TBC1D1: variants seen among roughly 807,000 people sequenced by gnomAD.
The protein encoded by TBC1D1 is TBC1 (tre-2/USP6, BUB2, cdc16) domain family, member 1.
Under a neutral mutation model 125.6 loss-of-function variants are expected in TBC1D1, and 89 were observed. The ratio of observed to expected loss-of-function variants is 0.71; its 90% CI spans 0.60 to 0.85. TBC1D1 has a LOEUF of 0.85. TBC1D1 is among the 40% of genes least tolerant of loss of function. The pLI is 0.00. For synonymous variants in TBC1D1, 565 were observed against 564.1 expected (o/e 1.00, Z -0.02); for missense variants, 1,377 against 1,469.2 (o/e 0.94, Z 1.03).
chr4:38,025,295 C>G (rs191085038), intron 6 of TBC1D1, among the ~76,000 whole-genome samples: 3 of 152,218 alleles, frequency 2.0e-5, no homozygotes, highest in Non-Finnish European at 1.5e-5. Flanking sequence ...CCCATTCCCT[C>G]CATAAGCCAT....
intron 18 of TBC1D1, among the ~76,000 whole-genome samples, chr4:38,130,721 C>T (rs1482873892): frequency 1.3e-5 from 2 of 152,220 alleles, no homozygotes; most frequent in Non-Finnish European, 2.9e-5. Flanking sequence ...TGTCCAGCCT[C>T]AGGAGTGACT....
At chr4:37,992,105 A>G (rs567368016) in intron 2 of TBC1D1, among the ~76,000 whole-genome samples, 1 of 152,272 alleles carries the variant, frequency 6.6e-6, no homozygotes, top group African/African-American at 2.4e-5. Context: ...TCTGGTAGGG[A>G]TTGCAGAGGA....
At position 37,956,669 on chromosome 4, in the gene TBC1D1, G is replaced by A. The variant is rs375373778; in HGVS notation, c.417+54157G>A. Among the ~76,000 whole-genome samples, 38 of 152,152 alleles carry A rather than the reference G, an allele frequency of 2.5e-4. 2 individuals are homozygous for A. The East Asian group carries it at 5.0e-3, about 20-fold the overall frequency. On this transcript the variant is annotated intron_variant, in intron 2 of 19. Transcript: ENST00000261439. ...AACTTAAGAAAAGTGGAGTGTAGCC[G>A]GGCACAGTGGCTCACACCTCTAATC...
intron 7 of TBC1D1, among the ~76,000 whole-genome samples, chr4:38,028,898 A>T (rs553173932): frequency 6.6e-6 from 1 of 152,284 alleles, no homozygotes; most frequent in South Asian, 2.1e-4. Flanking sequence ...TTTGAAAATA[A>T]ATTTAGGTCA....
At position 38,014,723 on chromosome 4, in the gene TBC1D1, G is replaced by GCC; in HGVS notation, c.636_637dup (p.Arg213ProfsTer99). Reference sequence around the variant, plus strand: ...GTCAGCGGCAGCCGGGGGTCCGAGAGCCCCCGCCCCAACCCGCCCCATGCC... The same window carrying GCC: ...GTCAGCGGCAGCCGGGGGTCCGAGAGCCCCCCCGCCCCAACCCGCCCCATGCC... On this transcript the variant is annotated frameshift_variant, in exon 3 of 20. Transcript: ENST00000261439. LOFTEE classifies it high-confidence loss of function. This position sits in a 1 kb window ranked among gnomAD's most constrained non-coding sequence, Gnocchi z 5.1. The GCC allele has an allele frequency of 8.1e-6, 13 of 1,600,146 alleles. No homozygotes were observed. The highest frequency in any genetic ancestry group is 1.1e-5 in the Non-Finnish European group (13 of 1,169,304).
Position 37,969,811 on chromosome 4 carries a change from T to C in TBC1D1, c.418-44698T>C, listed in dbSNP as rs189953758. ...TAGTAAATCCACAAATTTTGGTATT[T>C]AGTATATTAATGTAACCATCATCAC... On this transcript the variant is annotated intron_variant, in intron 2 of 19. Coordinates refer to ENST00000261439, the MANE Select transcript of TBC1D1 (RefSeq NM_015173.4). 5.9e-3 allele frequency among the ~76,000 whole-genome samples: 902 copies of C among 152,352 alleles called. 7 individuals carry two copies. Among genetic ancestry groups the C allele is most frequent in the Non-Finnish European group, 9.7e-3 (662 of 68,034 alleles).
chr4:38,051,825 C>T (rs1750607551), intron 11 of TBC1D1, 74 bp from the exon 12 acceptor site: 7 of 1,443,428 alleles, frequency 4.8e-6, no homozygotes, highest in South Asian at 3.9e-5. Flanking sequence ...GCTCCTTCCA[C>T]CTGTTTGCTC....
At chr4:37,990,782 C>T (rs1023274468) in intron 2 of TBC1D1, among the ~76,000 whole-genome samples, 5 of 152,286 alleles carry the variant, frequency 3.3e-5, no homozygotes, top group East Asian at 3.9e-4. Context: ...TGTCAATTCT[C>T]TAGTGTGTTA....
chr4:37,962,216 T>G (rs1419667854), intron 2 of TBC1D1, among the ~76,000 whole-genome samples: 1 of 152,160 alleles, frequency 6.6e-6, no homozygotes, highest in Non-Finnish European at 1.5e-5. Flanking sequence ...AAGTTTCCAT[T>G]AGGTGTGGGC....
chr4:38,013,532 T>C (rs1741975477), intron 2 of TBC1D1, among the ~76,000 whole-genome samples: 2 of 152,234 alleles, frequency 1.3e-5, no homozygotes, highest in Non-Finnish European at 1.5e-5. Context: ...CTTTTGAAGA[T>C]TAAATTTATG....
intron 12 of TBC1D1, among the ~76,000 whole-genome samples, chr4:38,062,942 T>C (rs1489817178): frequency 6.6e-6 from 1 of 152,066 alleles, no homozygotes; most frequent in Non-Finnish European, 1.5e-5. Context: ...TGGATTTGAA[T>C]CCCTGCCCTC....
At chr4:38,115,681 A>G in intron 15 of TBC1D1, 29 bp from the exon 18 acceptor site, 3 of 1,575,690 alleles carry the variant, frequency 1.9e-6, no homozygotes, top group Admixed American at 1.9e-5. Context: ...TGTTTTTATT[A>G]TTACAACTAA....
chr4:38,095,191 A>G (rs1321028712), intron 13 of TBC1D1, among the ~76,000 whole-genome samples: 1 of 152,250 alleles, frequency 6.6e-6, no homozygotes, highest in Non-Finnish European at 1.5e-5. Context: ...CCCTCTAGCT[A>G]GTAAATAACC....
intron 14 of TBC1D1, among the ~76,000 whole-genome samples, chr4:38,096,623 AG>A (rs2152547727): frequency 6.6e-6 from 1 of 152,312 alleles, no homozygotes; most frequent in Non-Finnish European, 1.5e-5. Flanking sequence ...CTATACTGTA[AG>A]GCCTTAGAGA....
intron 2 of TBC1D1, among the ~76,000 whole-genome samples, chr4:37,988,159 CAGCAGGGTGT>C (rs1244904011): frequency 1.3e-5 from 2 of 152,236 alleles, no homozygotes; most frequent in Non-Finnish European, 2.9e-5. Context: ...TGTCTAGGAA[CAGCAGGGTGT>C]AGCACGTGTT....
intron 2 of TBC1D1, among the ~76,000 whole-genome samples, chr4:37,925,500 G>T (rs1430539908): frequency 6.6e-6 from 1 of 152,088 alleles, no homozygotes; most frequent in Non-Finnish European, 1.5e-5. Context: ...GGGGGATCAT[G>T]AGGTCAAGAA....
chr4:37,915,533 A>C (rs1719548083), intron 2 of TBC1D1, among the ~76,000 whole-genome samples: 2 of 152,166 alleles, frequency 1.3e-5, no homozygotes, highest in African/African-American at 4.8e-5. Context: ...TTTTTCTTCT[A>C]TTCCAGACCT....
chr4:38,102,010 G>A (rs927461011), intron 14 of TBC1D1, among the ~76,000 whole-genome samples: 13 of 146,890 alleles, frequency 8.9e-5, no homozygotes, highest in African/African-American at 3.0e-4. Context: ...ACCAAACATC[G>A]CATGTTCTCA....
chr4:37,937,375 G>A (rs1724609135), intron 2 of TBC1D1, among the ~76,000 whole-genome samples: 1 of 152,186 alleles, frequency 6.6e-6, no homozygotes, highest in Admixed American at 6.5e-5. Context: ...GCACTCTTAA[G>A]TGTCTAAGCA....
Sources: gnomAD v4.1 joint callset for allele counts (sites outside exome capture counted in the v4.1 genomes callset) on GRCh38, gnomAD v4.1.1 for gene constraint, Gnocchi (gnomAD v3.1) non-coding constraint, MANE v1.5 for transcripts, NCBI Gene and HGNC (gene_info 2026-07-23, HGNC 2026-07-21) for gene names.